The following CACNA1S variants were observed in gnomAD, a reference collection of about 807,000 sequenced individuals.
The protein encoded by CACNA1S is voltage-dependent L-type calcium channel subunit alpha-1S.
In CACNA1S, 126 loss-of-function variants were observed where a neutral mutation model predicts 207.4. That is an observed-to-expected ratio of 0.61 (90% confidence interval 0.53 to 0.70). CACNA1S has a LOEUF of 0.70. Among genes scored for constraint, CACNA1S ranks in the 30% least tolerant of loss-of-function variants. The pLI, the probability that CACNA1S is intolerant of heterozygous loss-of-function variation, is 0.00. For synonymous variants in CACNA1S, 960 were observed against 932.7 expected, an observed-to-expected ratio of 1.03 and a Z score of -0.53; for missense variants, 2,349 against 2,422.8, an observed-to-expected ratio of 0.97 and a Z score of 0.64.
At chr1:201,054,409 C>A (rs1660761298) in intron 29 of CACNA1S, 96 bp downstream of exon 29, 3 of 1,298,584 alleles carry the variant, frequency 2.3e-6, no homozygotes, top group Admixed American at 1.7e-5. Context: ...GAGTGCTGAT[C>A]CACCCCATGC....
chr1:201,076,186 A>G (rs1361335745), intron 12 of CACNA1S, among the ~76,000 whole-genome samples: 2 of 152,216 alleles, frequency 1.3e-5, no homozygotes, highest in Non-Finnish European at 1.5e-5. Flanking sequence ...CCCGGGCTTC[A>G]CTGTGCTTCA....
At chr1:201,044,732 A>G (rs572858096) in intron 38 of CACNA1S, among the ~76,000 whole-genome samples, 34 of 152,146 alleles carry the variant, frequency 2.2e-4, no homozygotes, top group Non-Finnish European at 4.6e-4. Flanking sequence ...GCTGGTCTCA[A>G]ACTCCTGACC....
intron 22 of CACNA1S, among the ~76,000 whole-genome samples, chr1:201,063,186 T>A (rs1385428691): frequency 2.6e-5 from 4 of 151,902 alleles, no homozygotes; most frequent in Non-Finnish European, 4.4e-5. Flanking sequence ...TTTTTTTAAA[T>A]TATACTTTAA....
chr1:201,048,812 C>T (rs1316231935), intron 35 of CACNA1S, 128 bp from the exon 36 acceptor site: 3 of 879,034 alleles, frequency 3.4e-6, no homozygotes, highest in Non-Finnish European at 5.6e-6. Flanking sequence ...CTGACCAGGA[C>T]ATCCTTTGTG....
intron 2 of CACNA1S, among the ~76,000 whole-genome samples, chr1:201,102,151 G>A (rs955136276): frequency 5.3e-5 from 8 of 152,212 alleles, no homozygotes; most frequent in South Asian, 2.1e-4. Flanking sequence ...ACAGGGTGGC[G>A]TGACCTGAAG....
chr1:201,059,161 C>T (rs199783073), intron 27 of CACNA1S, 28 bp downstream of exon 27: 5 of 1,450,874 alleles, frequency 3.4e-6, no homozygotes, highest in Admixed American at 3.3e-5. Flanking sequence ...CCCAGCTTCT[C>T]ATCTGGCCCG....
chr1:201,068,179 A>G (rs16847636), intron 19 of CACNA1S, among the ~76,000 whole-genome samples: 14,372 of 145,896 alleles, frequency 0.099, 1,810 homozygotes, highest in African/African-American at 0.29. Flanking sequence ...CTTTCCAGTC[A>G]CTGTTAACAG....
Position 201,110,152 on chromosome 1 carries a change from G to A in CACNA1S, c.258+12C>T, listed in dbSNP as rs772652947. 2 of 1,611,256 alleles carry A rather than the reference G, an allele frequency of 1.2e-6. No individual in the cohort carries two copies. Among genetic ancestry groups the A allele is most frequent in the South Asian group, 2.2e-5 (2 of 91,012 alleles). ...AGGCTCGCAGGAAGGGAGATGGAAG[G>A]GCCAATCTTACCAGGCCGAGGTTCA... is the stretch of plus-strand genomic sequence containing the variant. On this transcript the variant is annotated intron_variant, in intron 2 of 43. Transcript: ENST00000362061.
At position 201,092,777 on chromosome 1, in the gene CACNA1S, A is replaced by G. The variant is rs959391373; in HGVS notation, c.399-663T>C. Among the ~76,000 whole-genome samples the G allele has an allele frequency of 8.5e-5, 13 of 152,238 alleles. 1 individual carries two copies. Among genetic ancestry groups the G allele is most frequent in the Admixed American group, 4.6e-4 (7 of 15,290 alleles). On this transcript the variant is annotated intron_variant, in intron 3 of 43. Transcript: ENST00000362061. ...AGGGCAGTTTGTAAAAGGCAGAGGC[A>G]GATTCACAGAATTCTTCTATTTTCT...
chr1:201,110,308 G>T, intron 1 of CACNA1S, 39 bp from the exon 2 acceptor site: 1 of 1,561,296 alleles, frequency 6.4e-7, no homozygotes, highest in Non-Finnish European at 8.8e-7. Context: ...AGTGAGGCAA[G>T]GGACTTACAG....
At chr1:201,052,166 C>T (rs1460932795) in intron 32 of CACNA1S, among the ~76,000 whole-genome samples, 5 of 152,334 alleles carry the variant, frequency 3.3e-5, no homozygotes, top group Admixed American at 6.5e-5. Context: ...CCTGTGGCAG[C>T]GCCCCCCACC....
rs1203000959 is a variant in CACNA1S, at chr1:201,039,925, G to A, written c.5528C>T (p.Ala1843Val). 2 of 1,614,070 alleles carry A rather than the reference G, an allele frequency of 1.2e-6. No homozygotes were observed. Among genetic ancestry groups the A allele is most frequent in the Non-Finnish European group, 1.7e-6 (2 of 1,180,032 alleles). The change falls in exon 44 of 44, where the codon GCC (alanine) becomes GTC (valine). Residue 1843 changes from alanine to valine, a missense_variant. Transcript: ENST00000362061. Reference sequence around the variant, plus strand: ...GAGGTTCAGGCATCCCAGGGAGCTGGCCATGCCCTCTGGGGCCTCTCGTCC... The same window carrying A: ...GAGGTTCAGGCATCCCAGGGAGCTGACCATGCCCTCTGGGGCCTCTCGTCC... ...LKGREAPEGMASSLGCLNLGS... is the reference protein window; with the variant it reads ...LKGREAPEGMVSSLGCLNLGS...
Position 201,073,574 on chromosome 1 carries a change from C to T in CACNA1S, c.2132G>A (p.Gly711Asp). The T allele has an allele frequency of 6.2e-7, 1 of 1,614,214 alleles. No homozygotes were observed. The highest frequency in any genetic ancestry group is 8.5e-7 in the Non-Finnish European group (1 of 1,180,002). ...CTTGGCAGTGGTGGGGATGCCCTCA[C>T]CCTTGGGTTTCTGCTCCAGCTTCTT... The part of the protein sequence containing the change: ...MAKKLEQKPK[G>D]EGIPTTAKLK... The change falls in exon 15 of 44, where the codon GGT (glycine) becomes GAT (aspartate). Residue 711 changes from glycine to aspartate, a missense_variant. Physicochemically the swap from Gly to Asp is moderately conservative, Grantham distance 94. Transcript: ENST00000362061.
At chr1:201,047,001 C>T in intron 38 of CACNA1S, 114 bp downstream of exon 38, 1 of 1,420,742 alleles carries the variant, frequency 7.0e-7, no homozygotes, top group Non-Finnish European at 9.9e-7. Context: ...TCTGGGCTTC[C>T]TTTTTCCCTC....
intron 2 of CACNA1S, among the ~76,000 whole-genome samples, chr1:201,107,869 T>C (rs146014253): frequency 7.2e-5 from 11 of 152,286 alleles, no homozygotes; most frequent in African/African-American, 2.6e-4. Flanking sequence ...TCACTGAGCA[T>C]TCATTTCCCA....
Position 201,069,489 on chromosome 1 carries a change from C to G in CACNA1S, c.2473G>C (p.Asp825His). The G allele has an allele frequency of 6.2e-7, 1 of 1,603,736 alleles. No individual in the cohort carries two copies. The highest frequency in any genetic ancestry group is 8.5e-7 in the Non-Finnish European group (1 of 1,176,364). Residue 825 changes from aspartate to histidine, a missense_variant, in exon 18 of 44, where the codon GAT becomes CAT. Physicochemically the swap from Asp to His is moderately conservative, Grantham distance 81. Coordinates refer to ENST00000362061, the MANE Select transcript of CACNA1S (RefSeq NM_000069.3). ...ALAAEDPIRADSMRNQILKHF... is the reference protein window; with the variant it reads ...ALAAEDPIRAHSMRNQILKHF... Reference sequence around the variant, plus strand: ...CCCGTCACCTGATTTCTCATGGAATCAGCCCGGATGGGGTCTTCCGCAGCC... The same window carrying G: ...CCCGTCACCTGATTTCTCATGGAATGAGCCCGGATGGGGTCTTCCGCAGCC...
intron 19 of CACNA1S, among the ~76,000 whole-genome samples, chr1:201,067,745 G>A (rs1440679429): frequency 1.3e-5 from 2 of 152,166 alleles, no homozygotes; most frequent in Non-Finnish European, 2.9e-5. Context: ...TCTACCCAGT[G>A]AAGGCCTGTC....
chr1:201,039,631 T>G lies in CACNA1S; in HGVS notation c.*200A>C, dbSNP rs1660037514. ...AGAAGCTCCATCCAATCATGCCTCT[T>G]GCTGGTGAGGGGCAGGGCCTGTCCA... On this transcript the variant is annotated 3_prime_UTR_variant, in exon 44 of 44. Transcript: ENST00000362061. The G allele has an allele frequency of 3.1e-6, 2 of 647,482 alleles. No individual in the cohort carries two copies. The highest frequency in any genetic ancestry group is 5.4e-5 in the Admixed American group (2 of 37,356). The allele number at this position is 647,482 out of a possible 1,614,324, so 40.1% of individuals were successfully genotyped here.
At chr1:201,045,285 G>A (rs1016475104) in intron 38 of CACNA1S, among the ~76,000 whole-genome samples, 1 of 152,136 alleles carries the variant, frequency 6.6e-6, no homozygotes, top group Non-Finnish European at 1.5e-5. Flanking sequence ...TGTCAAGATC[G>A]TGTCAAGGAA....
Sources: allele counts gnomAD v4.1 joint callset (sites outside exome capture counted in the v4.1 genomes callset), GRCh38; gene constraint gnomAD v4.1.1; transcripts MANE v1.5; gene names NCBI Gene and HGNC (gene_info 2026-07-23, HGNC 2026-07-21).